The following DDX42 variants were observed in gnomAD, a reference collection of about 807,000 sequenced individuals.
DDX42 encodes the protein ATP-dependent RNA helicase DDX42.
DDX42 carries 22 observed loss-of-function variants against 101.5 expected under a neutral mutation model. That is an observed-to-expected ratio of 0.22 (90% confidence interval 0.15 to 0.31). The LOEUF is 0.31. Among genes scored for constraint, DDX42 ranks in the 10% least tolerant of loss-of-function variants. DDX42 has a pLI of 1.00. For missense variants in DDX42, 849 were observed against 1,199.9 expected (o/e 0.71, Z 4.32); for synonymous variants, 402 against 401.2 (o/e 1.00, Z -0.02).
chr17:63,798,830 C>T (rs2039725445), intron 4 of DDX42, among the ~76,000 whole-genome samples: 1 of 152,126 alleles, frequency 6.6e-6, no homozygotes, highest in Non-Finnish European at 1.5e-5. Flanking sequence ...GTTTCTGTTC[C>T]ATATGGAGAT....
intron 9 of DDX42, 43 bp downstream of exon 9, chr17:63,807,943 G>A (rs778265861): frequency 6.4e-7 from 1 of 1,566,808 alleles, no homozygotes; most frequent in South Asian, 1.2e-5. Context: ...ATGTGGACTA[G>A]CAAGGGACCA....
chr17:63,812,575 A>G (rs955189784), intron 14 of DDX42, among the ~76,000 whole-genome samples: 1 of 152,200 alleles, frequency 6.6e-6, no homozygotes, highest in Non-Finnish European at 1.5e-5. Context: ...AGTTTTTGGA[A>G]TATAATTTCT....
intron 2 of DDX42, among the ~76,000 whole-genome samples, chr17:63,791,727 AT>A (rs1299791919): frequency 6.6e-6 from 1 of 152,190 alleles, no homozygotes; most frequent in African/African-American, 2.4e-5. Context: ...GTTATAAAGA[AT>A]AAACTGGATT....
intron 6 of DDX42, among the ~76,000 whole-genome samples, chr17:63,804,721 C>G (rs759043588): frequency 3.3e-5 from 5 of 152,038 alleles, no homozygotes; most frequent in African/African-American, 4.8e-5. Context: ...TGGCTCATGC[C>G]TGTAATCCCA....
intron 14 of DDX42, 27 bp from the exon 15 acceptor site, chr17:63,813,201 A>G (rs1223447404): frequency 4.5e-6 from 7 of 1,571,094 alleles, no homozygotes; most frequent in Non-Finnish European, 6.1e-6. Flanking sequence ...ATGAAGAATA[A>G]AAGAATTTGG....
intron 10 of DDX42, 148 bp downstream of exon 10, chr17:63,809,096 G>A (rs1255494812): frequency 1.7e-6 from 2 of 1,182,154 alleles, no homozygotes; most frequent in East Asian, 2.5e-5. Flanking sequence ...AATTTTGATT[G>A]GTGGCTAAAT....
chr17:63,809,718 A>C (rs1286583820), intron 11 of DDX42, 59 bp downstream of exon 11: 2 of 1,391,300 alleles, frequency 1.4e-6, no homozygotes, highest in Non-Finnish European at 2.0e-6. Context: ...TTTTTTTTCC[A>C]TGTCTTTCTA....
At chr17:63,787,901 T>C (rs2039566681) in intron 2 of DDX42, among the ~76,000 whole-genome samples, 3 of 118,628 alleles carry the variant, frequency 2.5e-5, no homozygotes, top group Non-Finnish European at 4.8e-5. Flanking sequence ...ATATAATTCA[T>C]GTGGTTTTTT....
chr17:63,778,493 C>T (rs2039447583), intron 1 of DDX42, among the ~76,000 whole-genome samples: 2 of 152,184 alleles, frequency 1.3e-5, no homozygotes, highest in African/African-American at 4.8e-5. Flanking sequence ...TTTTCTTTCT[C>T]CTGGGCCAGA....
chr17:63,800,552 G>A lies in DDX42; in HGVS notation c.556G>A (p.Asp186Asn). 1 of 1,614,036 alleles carries A rather than the reference G, an allele frequency of 6.2e-7. No individual in the cohort carries two copies. The highest frequency in any genetic ancestry group is 8.5e-7 in the Non-Finnish European group (1 of 1,179,954). The change falls in exon 6 of 18, where the codon GAC becomes AAC. Residue 186 changes from aspartate to asparagine, a missense_variant. Transcript: ENST00000389924. ...GGAAGACAATCTAGAATATGATAGT[G>A]ACGGAAATCCAATTGCACCTACCAA... ...EEEDNLEYDS[D>N]GNPIAPTKKI...
intron 3 of DDX42, 131 bp from the exon 4 acceptor site, chr17:63,797,907 C>A: frequency 1.3e-6 from 1 of 762,080 alleles, no homozygotes; most frequent in Non-Finnish European, 2.1e-6. Context: ...TGTCAAAATG[C>A]AATTTGATGG....
chr17:63,781,999 G>A (rs1259502430), intron 1 of DDX42, among the ~76,000 whole-genome samples: 1 of 151,932 alleles, frequency 6.6e-6, no homozygotes, highest in Non-Finnish European at 1.5e-5. Context: ...GACAGAGTGA[G>A]ACTCCGTCTC....
At chr17:63,795,650 A>G (rs1164889148) in intron 3 of DDX42, among the ~76,000 whole-genome samples, 3 of 152,286 alleles carry the variant, frequency 2.0e-5, no homozygotes, top group African/African-American at 7.2e-5. Context: ...AATTTTTCTT[A>G]GGGTGGAGAA....
At position 63,787,034 on chromosome 17, in the gene DDX42, G is replaced by C; in HGVS notation, c.-16G>C. 6.2e-7 allele frequency: 1 copy of C among 1,613,878 alleles called. No individual in the cohort carries two copies. Among genetic ancestry groups the C allele is most frequent in the Non-Finnish European group, 8.5e-7 (1 of 1,179,868 alleles). On this transcript the variant is annotated splice_region_variant and 5_prime_UTR_variant, in exon 2 of 18. Transcript: ENST00000389924. ...TATTTGTGTATCTTATTCCTAACAG[G>C]TCAGTCATTGGCACCATGAACTGGA...
At chr17:63,799,469 GTTATTA>G in intron 4 of DDX42, 114 bp from the exon 5 acceptor site, 1 of 1,044,410 alleles carries the variant, frequency 9.6e-7, no homozygotes, top group South Asian at 1.5e-5. Context: ...TTGCTGCTTT[GTTATTA>G]TTAGTGTTGA....
At chr17:63,810,005 C>T (rs951769629) in intron 11 of DDX42, among the ~76,000 whole-genome samples, 2 of 152,154 alleles carry the variant, frequency 1.3e-5, no homozygotes, top group African/African-American at 4.8e-5. Flanking sequence ...ATCCTCGTAG[C>T]TGTCTTTACT....
rs1169851835 is a variant in DDX42 at position 63,809,019 on chromosome 17, G to T, written c.1152+71G>T. On this transcript the variant is annotated intron_variant, in intron 10 of 17. Coordinates refer to ENST00000389924, the MANE Select transcript of DDX42 (RefSeq NM_203499.3). ...TGGAAAACATGATTAGTTTTGCAGA[G>T]AATTTCCCCTAAAGTGTGGTAAAAG... 4 of 1,576,656 alleles carry T rather than the reference G, an allele frequency of 2.5e-6. No homozygotes were observed. In the East Asian group the frequency reaches 6.8e-5, roughly 27 times the overall value.
intron 1 of DDX42, among the ~76,000 whole-genome samples, chr17:63,781,618 C>T (rs998834452): frequency 6.6e-6 from 1 of 152,132 alleles, no homozygotes; most frequent in Non-Finnish European, 1.5e-5. Flanking sequence ...CTTCTTTCCC[C>T]CTCTTCTTTC....
In DDX42 at chr17:63,816,894, C is replaced by T. The variant is rs766457561; in HGVS notation, c.2040C>T (p.Ser680=). Residue 680 remains serine (S), a synonymous_variant, in exon 17 of 18, where the codon AGC becomes AGT. Coordinates refer to ENST00000389924, the MANE Select transcript of DDX42 (RefSeq NM_203499.3). ...NMDRGNNNVM[S]NYEAYKPSTG... ...ATCGAGGAAATAACAATGTAATGAG[C>T]AATTATGAGGCCTACAAGCCTTCCA... 3.1e-6 allele frequency: 5 copies of T among 1,613,084 alleles called. No homozygotes were observed. The highest frequency in any genetic ancestry group is 2.5e-6 in the Non-Finnish European group (3 of 1,179,668).
Sources: allele counts gnomAD v4.1 joint callset (sites outside exome capture counted in the v4.1 genomes callset), GRCh38; gene constraint gnomAD v4.1.1; transcripts MANE v1.5; gene names NCBI Gene and HGNC (gene_info 2026-07-23, HGNC 2026-07-21).